The following FSTL5 variants were observed in gnomAD, a reference collection of about 807,000 sequenced individuals.
FSTL5 encodes follistatin like 5.
FSTL5 carries 62 observed loss-of-function variants against 89.1 expected under a neutral mutation model. The observed-to-expected ratio is 0.70, with a 90% CI of 0.57 to 0.86. FSTL5 has a LOEUF of 0.86. FSTL5 is among the 40% of genes least tolerant of loss of function. The pLI, the probability that FSTL5 is intolerant of heterozygous loss-of-function variation, is 0.00. For missense variants in FSTL5, 1,057 were observed against 1,001.6 expected (o/e 1.06, Z -0.75); for synonymous variants, 383 against 346.2 (o/e 1.11, Z -1.18).
chr4:162,110,760 A>T (rs1056269921), intron 2 of FSTL5, among the ~76,000 whole-genome samples: 1 of 151,688 alleles, frequency 6.6e-6, no homozygotes, highest in East Asian at 1.9e-4. Context: ...TTAACATAAA[A>T]AGTGGAGTAT....
intron 15 of FSTL5, among the ~76,000 whole-genome samples, chr4:161,452,783 C>T (rs904057444): frequency 7.4e-5 from 10 of 134,756 alleles, no homozygotes; most frequent in African/African-American, 1.0e-4. Context: ...AAATTAAATA[C>T]GTATAAATAA....
chr4:161,936,881 T>C (rs529619990), intron 3 of FSTL5, among the ~76,000 whole-genome samples: 5 of 152,276 alleles, frequency 3.3e-5, no homozygotes, highest in African/African-American at 1.2e-4. Flanking sequence ...TTCAGATTCT[T>C]CTTTGAAGAA....
At chr4:161,923,851 A>G (rs1734056459) in intron 3 of FSTL5, among the ~76,000 whole-genome samples, 1 of 151,868 alleles carries the variant, frequency 6.6e-6, no homozygotes, top group Non-Finnish European at 1.5e-5. Flanking sequence ...GTAGAAGTTA[A>G]TGAACTATTT....
At chr4:161,913,397 C>T (rs530439014) in intron 4 of FSTL5, among the ~76,000 whole-genome samples, 30 of 152,248 alleles carry the variant, frequency 2.0e-4, no homozygotes, top group Non-Finnish European at 3.5e-4. Flanking sequence ...TCACTCCAGC[C>T]ATGGCTGAAA....
intron 4 of FSTL5, among the ~76,000 whole-genome samples, chr4:161,878,009 A>G (rs905454440): frequency 4.6e-5 from 7 of 151,224 alleles, no homozygotes; most frequent in African/African-American, 4.9e-5. Flanking sequence ...TTTTTTACTT[A>G]TATAGATTTA....
intron 13 of FSTL5, among the ~76,000 whole-genome samples, chr4:161,476,264 C>T (rs572190461): frequency 6.3e-5 from 9 of 143,786 alleles, no homozygotes; most frequent in East Asian, 2.2e-4. Context: ...ATCAGCTCAC[C>T]GCAGGCTCTG....
In FSTL5 at chr4:162,050,604, A is replaced by T. The variant is rs1423844604; in HGVS notation, c.127-16946T>A. 3.3e-5 allele frequency among the ~76,000 whole-genome samples: 5 copies of T among 149,556 alleles called. 1 individual carries two copies. The highest frequency in any genetic ancestry group is 7.3e-5 in the African/African-American group (3 of 40,884). ...CACTCTTGGAAAAAAAGACTTTATT[A>T]AAAAAAAACTCCAGGAGAATTTGAC... On this transcript the variant is annotated intron_variant, in intron 2 of 15. Transcript: ENST00000306100.
intron 15 of FSTL5, among the ~76,000 whole-genome samples, chr4:161,421,719 T>C (rs1203507168): frequency 6.6e-6 from 1 of 152,204 alleles, no homozygotes; most frequent in Non-Finnish European, 1.5e-5. Context: ...GTGGGCATCG[T>C]CCAATCTGTT....
intron 6 of FSTL5, among the ~76,000 whole-genome samples, chr4:161,729,181 T>C (rs541063760): frequency 1.3e-5 from 2 of 152,334 alleles, no homozygotes; most frequent in South Asian, 2.1e-4. Context: ...CCGCCTCCCC[T>C]ACAATTCAAG....
chr4:161,476,805 G>A (rs1332722004), intron 13 of FSTL5, among the ~76,000 whole-genome samples: 1 of 152,136 alleles, frequency 6.6e-6, no homozygotes, highest in Non-Finnish European at 1.5e-5. Context: ...AGCAAGGTGT[G>A]GCAACAATGT....
intron 11 of FSTL5, among the ~76,000 whole-genome samples, chr4:161,502,579 A>C (rs1198197439): frequency 6.6e-6 from 1 of 151,940 alleles, no homozygotes; most frequent in Non-Finnish European, 1.5e-5. Flanking sequence ...ATGCCTATAT[A>C]CTGGTAACTC....
At chr4:161,591,544 T>C (rs1733822367) in intron 7 of FSTL5, among the ~76,000 whole-genome samples, 1 of 152,126 alleles carries the variant, frequency 6.6e-6, no homozygotes, top group Non-Finnish European at 1.5e-5. Context: ...TATGCCATAA[T>C]AAAACTATAT....
At chr4:161,444,469 T>C (rs1732879385) in intron 15 of FSTL5, among the ~76,000 whole-genome samples, 1 of 151,738 alleles carries the variant, frequency 6.6e-6, no homozygotes, top group African/African-American at 2.4e-5. Context: ...CTGTGTGGTC[T>C]CAAATTCTCA....
intron 4 of FSTL5, among the ~76,000 whole-genome samples, chr4:161,836,563 G>A (rs553671437): frequency 6.6e-6 from 1 of 152,136 alleles, no homozygotes; most frequent in Admixed American, 6.5e-5. Context: ...GGTCCCAGTG[G>A]TGATGAGCTG....
intron 4 of FSTL5, among the ~76,000 whole-genome samples, chr4:161,911,476 C>T (rs1474815490): frequency 1.3e-5 from 2 of 151,846 alleles, no homozygotes; most frequent in African/African-American, 4.8e-5. Context: ...TTGAAAAAAA[C>T]GTGATTACAA....
intron 1 of FSTL5, among the ~76,000 whole-genome samples, chr4:162,150,266 T>G (rs1733175795): frequency 6.6e-6 from 1 of 152,132 alleles, no homozygotes; most frequent in Admixed American, 6.6e-5. Flanking sequence ...ACAGAGTTCT[T>G]AATATAAGAC....
intron 8 of FSTL5, among the ~76,000 whole-genome samples, chr4:161,574,343 TC>T (rs1381318453): frequency 1.9e-4 from 28 of 149,070 alleles, no homozygotes; most frequent in African/African-American, 5.3e-4. Context: ...CTTTTTTTTT[TC>T]TTTTTTTTTT....
At chr4:162,160,876 T>C (rs890130014) in intron 1 of FSTL5, among the ~76,000 whole-genome samples, 13 of 151,682 alleles carry the variant, frequency 8.6e-5, no homozygotes, top group African/African-American at 2.9e-4. Flanking sequence ...ATAATAAAAA[T>C]TCCAAATTGA....
intron 7 of FSTL5, among the ~76,000 whole-genome samples, chr4:161,646,726 A>G (rs1487048681): frequency 1.3e-5 from 2 of 152,134 alleles, no homozygotes; most frequent in African/African-American, 4.8e-5. Context: ...CTTCAACAGA[A>G]TGCCTTGCTT....
Sources: gnomAD v4.1 joint callset for allele counts (sites outside exome capture counted in the v4.1 genomes callset) on GRCh38, gnomAD v4.1.1 for gene constraint, MANE v1.5 for transcripts, NCBI Gene and HGNC (gene_info 2026-07-23, HGNC 2026-07-21) for gene names.